The following CSMD1 variants were observed in gnomAD, a reference collection of about 807,000 sequenced individuals.
CSMD1 encodes CUB and sushi domain-containing protein 1.
A neutral mutation model predicts 417.5 loss-of-function variants in CSMD1; 213 were observed. That is an observed-to-expected ratio of 0.51 (90% CI 0.46 to 0.57). The LOEUF is 0.57. Among genes scored for constraint, CSMD1 ranks in the 20% least tolerant of loss-of-function variants. CSMD1 has a pLI of 0.00. For missense variants in CSMD1, 6,923 were observed against 4,529.7 expected, an observed-to-expected ratio of 1.53 and a Z score of -15.17; for synonymous variants, 2,862 against 1,736.8, an observed-to-expected ratio of 1.65 and a Z score of -16.11.
intron 16 of CSMD1, among the ~76,000 whole-genome samples, chr8:3,397,680 T>C (rs763191554): frequency 2.0e-5 from 3 of 152,200 alleles, no homozygotes; most frequent in Admixed American, 6.5e-5. Context: ...GAAAGCAATC[T>C]CCTTTGACAT....
intron 1 of CSMD1, among the ~76,000 whole-genome samples, chr8:4,814,626 A>T (rs1585144723): frequency 6.6e-6 from 1 of 152,164 alleles, no homozygotes; most frequent in African/African-American, 2.4e-5. Context: ...AGTATTGATC[A>T]AGGGTCTTCA....
chr8:3,440,510 T>G lies in CSMD1; in HGVS notation c.1561+28202A>C, dbSNP rs1814905318. 1.3e-5 allele frequency among the ~76,000 whole-genome samples: 2 copies of G among 152,214 alleles called. 1 individual carries two copies. The highest frequency in any genetic ancestry group is 4.1e-4 in the South Asian group (2 of 4,836). On this transcript the variant is annotated intron_variant, in intron 12 of 69. Coordinates refer to ENST00000635120, the MANE Select transcript of CSMD1 (RefSeq NM_033225.6). ...GTTGTTCATCCTGTATCCTGTGAAG[T>G]CACCAAACTGGGTTCTTGGCTCTAA...
chr8:4,992,980 C>G (rs939375257), intron 1 of CSMD1, among the ~76,000 whole-genome samples: 3 of 152,150 alleles, frequency 2.0e-5, no homozygotes, highest in Non-Finnish European at 2.9e-5. Context: ...CTGGACGCCC[C>G]GTGGAGGCAA....
At chr8:3,304,253 C>G (rs898320403) in intron 25 of CSMD1, among the ~76,000 whole-genome samples, 2 of 151,978 alleles carry the variant, frequency 1.3e-5, no homozygotes, top group Admixed American at 1.3e-4. Context: ...TGATGTATTT[C>G]TCATTTTCAA....
chr8:3,907,894 C>A (rs909795705), intron 5 of CSMD1, among the ~76,000 whole-genome samples: 1 of 152,174 alleles, frequency 6.6e-6, no homozygotes, highest in Non-Finnish European at 1.5e-5. Context: ...GAGAATATTT[C>A]AGGGATTCTT....
intron 3 of CSMD1, among the ~76,000 whole-genome samples, chr8:4,406,868 T>C (rs1298760598): frequency 1.3e-5 from 2 of 152,188 alleles, no homozygotes; most frequent in Non-Finnish European, 2.9e-5. Flanking sequence ...TAAATACAGC[T>C]CGTATTGAGG....
intron 2 of CSMD1, among the ~76,000 whole-genome samples, 187 bp from the exon 3 acceptor site, chr8:4,420,252 G>T (rs973238105): frequency 1.3e-5 from 2 of 152,144 alleles, no homozygotes; most frequent in Admixed American, 6.6e-5. Flanking sequence ...TTTCAAGTAT[G>T]AGAATATGTT....
chr8:3,813,579 G>T (rs1028881434), intron 5 of CSMD1, among the ~76,000 whole-genome samples: 3 of 151,994 alleles, frequency 2.0e-5, no homozygotes, highest in South Asian at 2.1e-4. Flanking sequence ...AATTTAACAA[G>T]AATTTTAAGA....
chr8:2,943,989 T>C (rs935824570), intron 68 of CSMD1, among the ~76,000 whole-genome samples: 1 of 152,234 alleles, frequency 6.6e-6, no homozygotes, highest in Non-Finnish European at 1.5e-5. Flanking sequence ...TTAATTTTCA[T>C]ATAAAAACTT....
chr8:2,993,355 A>G (rs185883686), intron 54 of CSMD1, among the ~76,000 whole-genome samples: 29 of 152,228 alleles, frequency 1.9e-4, no homozygotes, highest in Admixed American at 1.8e-3. Context: ...TCCTCCTTCA[A>G]TGCATTTATT....
At chr8:4,435,392 A>G (rs763647659) in intron 2 of CSMD1, among the ~76,000 whole-genome samples, 37 of 152,168 alleles carry the variant, frequency 2.4e-4, no homozygotes, top group Non-Finnish European at 3.8e-4. Context: ...CTGCAGTGTG[A>G]TATCACTCCA....
intron 7 of CSMD1, among the ~76,000 whole-genome samples, chr8:3,696,893 T>C (rs1022024150): frequency 2.0e-5 from 3 of 152,128 alleles, no homozygotes; most frequent in Admixed American, 1.3e-4. Context: ...CCCATGAAAA[T>C]AGATTTATGA....
At chr8:4,956,770 A>T (rs1434562510) in intron 1 of CSMD1, among the ~76,000 whole-genome samples, 3 of 152,146 alleles carry the variant, frequency 2.0e-5, no homozygotes, top group Non-Finnish European at 4.4e-5. Flanking sequence ...GAGACTTCAC[A>T]AACAGGACAA....
At chr8:4,655,320 A>T (rs537058407) in intron 1 of CSMD1, among the ~76,000 whole-genome samples, 3 of 152,072 alleles carry the variant, frequency 2.0e-5, no homozygotes, top group Admixed American at 1.3e-4. Flanking sequence ...TAGTTCCTCA[A>T]TGGCCACTGG....
chr8:3,925,832 G>A (rs764378047), intron 5 of CSMD1, among the ~76,000 whole-genome samples: 29 of 151,708 alleles, frequency 1.9e-4, no homozygotes, highest in Non-Finnish European at 3.5e-4. Context: ...CAACTAATAC[G>A]GGCAGTGAAA....
At chr8:4,572,187 A>G (rs1466305518) in intron 2 of CSMD1, among the ~76,000 whole-genome samples, 3 of 152,190 alleles carry the variant, frequency 2.0e-5, no homozygotes, top group Non-Finnish European at 4.4e-5. Flanking sequence ...TTTGCACAAT[A>G]GTTGATGCAG....
At chr8:3,853,529 A>G (rs1011389879) in intron 5 of CSMD1, among the ~76,000 whole-genome samples, 1 of 152,180 alleles carries the variant, frequency 6.6e-6, no homozygotes, top group East Asian at 1.9e-4. Context: ...CCTTGTTACT[A>G]GAAGATGCTC....
intron 3 of CSMD1, among the ~76,000 whole-genome samples, chr8:4,311,181 C>A (rs759921451): frequency 3.3e-5 from 5 of 152,040 alleles, no homozygotes; most frequent in Non-Finnish European, 7.4e-5. Context: ...ATCATTCCAC[C>A]ATAAAGACAC....
At chr8:3,759,904 CAA>C (rs71203472) in intron 5 of CSMD1, among the ~76,000 whole-genome samples, 37,332 of 95,714 alleles carry the variant, frequency 0.39, 5,536 homozygotes, top group Middle Eastern at 0.46. Flanking sequence ...GAGACTGTCT[CAA>C]AAAAAAAAAA....
Sources: allele counts gnomAD v4.1 joint callset (sites outside exome capture counted in the v4.1 genomes callset), GRCh38; gene constraint gnomAD v4.1.1; transcripts MANE v1.5; gene names NCBI Gene and HGNC (gene_info 2026-07-23, HGNC 2026-07-21).